Variants in DLGAP2 observed in about 807,000 individuals in gnomAD.
DLGAP2 encodes the protein disks large-associated protein 2.
Under a neutral mutation model 100.3 loss-of-function variants are expected in DLGAP2, and 26 were observed. The observed-to-expected ratio is 0.26, with a 90% CI of 0.19 to 0.36. DLGAP2 has a LOEUF of 0.36. DLGAP2 is among the 10% of genes least tolerant of loss of function. The pLI, the probability that DLGAP2 is intolerant of heterozygous loss-of-function variation, is 1.00. For synonymous variants in DLGAP2, 886 were observed against 630.1 expected, an observed-to-expected ratio of 1.41 and a Z score of -6.08; for missense variants, 1,858 against 1,453.2, an observed-to-expected ratio of 1.28 and a Z score of -4.53.
intron 2 of DLGAP2, among the ~76,000 whole-genome samples, chr8:1,059,905 C>T (rs772686632): frequency 1.3e-5 from 2 of 152,052 alleles, no homozygotes; most frequent in Admixed American, 6.5e-5. Context: ...TGTGTGGCCC[C>T]GGGGGCATGG....
intron 3 of DLGAP2, among the ~76,000 whole-genome samples, chr8:1,408,092 C>T (rs1584867443): frequency 6.6e-6 from 1 of 152,254 alleles, no homozygotes; most frequent in Admixed American, 6.5e-5. Context: ...GAATCGTCTC[C>T]TGAGAACAGC....
chr8:1,535,583 G>C (rs570498565), intron 4 of DLGAP2, among the ~76,000 whole-genome samples: 2 of 152,362 alleles, frequency 1.3e-5, no homozygotes, highest in East Asian at 3.9e-4. Flanking sequence ...TTGTTGGTAA[G>C]ATGTGTGATG....
intron 4 of DLGAP2, among the ~76,000 whole-genome samples, chr8:1,535,714 G>C (rs986762516): frequency 6.6e-6 from 1 of 152,246 alleles, no homozygotes; most frequent in African/African-American, 2.4e-5. Flanking sequence ...CAACGGCCCT[G>C]GTGTTGCAAG....
chr8:1,610,783 A>G (rs1182983720), intron 6 of DLGAP2, among the ~76,000 whole-genome samples: 4 of 146,184 alleles, frequency 2.7e-5, no homozygotes, highest in African/African-American at 1.1e-4. Flanking sequence ...AAACTAGAAA[A>G]TCTAGAAGAA....
Position 1,528,961 on chromosome 8 carries a change from T to C in DLGAP2, c.173-19665T>C, listed in dbSNP as rs138975067. On this transcript the variant is annotated intron_variant, in intron 4 of 14. Transcript: ENST00000637795. ...TTCCTCACTTATTGATTCCTAGCAT[T>C]TCCTAAAATGTTCACGTGATATTTA... Among the ~76,000 whole-genome samples the C allele has an allele frequency of 1.0e-3, 155 of 152,358 alleles. 1 individual carries two copies. The Middle Eastern group carries it at 0.01, about 10-fold the overall frequency.
chr8:1,435,359 G>A (rs571069112), intron 3 of DLGAP2, among the ~76,000 whole-genome samples: 14 of 152,260 alleles, frequency 9.2e-5, no homozygotes, highest in African/African-American at 2.9e-4. Context: ...CACCGCACAC[G>A]GGTGTTTCAG....
At chr8:749,901 G>A (rs922631105) in intron 1 of DLGAP2, among the ~76,000 whole-genome samples, 1 of 152,168 alleles carries the variant, frequency 6.6e-6, no homozygotes, top group Non-Finnish European at 1.5e-5. Context: ...AGGCATCCTG[G>A]CTTGTGGCCT....
chr8:1,659,643 T>C (rs959576719), intron 8 of DLGAP2, among the ~76,000 whole-genome samples: 2 of 152,228 alleles, frequency 1.3e-5, no homozygotes, highest in African/African-American at 4.8e-5. Flanking sequence ...AAGTCTGTTT[T>C]ATCAGAGAGT....
At chr8:1,110,074 C>T (rs1332895189) in intron 2 of DLGAP2, among the ~76,000 whole-genome samples, 1 of 129,364 alleles carries the variant, frequency 7.7e-6, no homozygotes, top group Non-Finnish European at 1.6e-5. Flanking sequence ...GTGCACAGGT[C>T]TGTGAGGTGT....
At chr8:1,654,890 T>C (rs1798248599) in intron 8 of DLGAP2, among the ~76,000 whole-genome samples, 1 of 152,210 alleles carries the variant, frequency 6.6e-6, no homozygotes, top group Non-Finnish European at 1.5e-5. Flanking sequence ...CTTAGAAACA[T>C]GTGACTCTTC....
At chr8:1,472,040 C>T (rs1485710879) in intron 3 of DLGAP2, among the ~76,000 whole-genome samples, 2 of 152,262 alleles carry the variant, frequency 1.3e-5, no homozygotes, top group Admixed American at 1.3e-4. Flanking sequence ...GCAGTGAGCA[C>T]CAACAAGCCC....
At chr8:1,421,076 C>G (rs374036469) in intron 3 of DLGAP2, among the ~76,000 whole-genome samples, 147 of 152,316 alleles carry the variant, frequency 9.7e-4, no homozygotes, top group Middle Eastern at 3.4e-3. Flanking sequence ...AAATTTCAAT[C>G]TCTCCAACAA....
chr8:1,656,489 G>C (rs1197955939), intron 8 of DLGAP2, among the ~76,000 whole-genome samples: 1 of 152,118 alleles, frequency 6.6e-6, no homozygotes, highest in East Asian at 1.9e-4. Context: ...CTGCGTATTT[G>C]TCAATTGTGC....
chr8:1,368,325 G>A (rs1466394814), intron 3 of DLGAP2, among the ~76,000 whole-genome samples: 2 of 151,720 alleles, frequency 1.3e-5, no homozygotes, highest in African/African-American at 2.4e-5. Context: ...CTGTGTGTGT[G>A]CATGCATGTG....
chr8:1,487,866 G>A (rs2108126), intron 3 of DLGAP2, among the ~76,000 whole-genome samples: 80,157 of 151,972 alleles, frequency 0.53, 22,821 homozygotes, highest in Admixed American at 0.66. Flanking sequence ...CCCTTTACCC[G>A]TAACTGGGAG....
chr8:1,496,514 C>T (rs1242393528), intron 3 of DLGAP2, among the ~76,000 whole-genome samples: 3 of 152,154 alleles, frequency 2.0e-5, no homozygotes, highest in Admixed American at 6.5e-5. Flanking sequence ...CCCGAGTCTC[C>T]CTTCCAGGAA....
intron 3 of DLGAP2, among the ~76,000 whole-genome samples, chr8:1,406,593 C>T (rs549530798): frequency 1.1e-4 from 3 of 27,370 alleles, no homozygotes; most frequent in African/African-American, 2.6e-4. Context: ...GCCACCTCCT[C>T]ATCCTCCAGA....
chr8:1,063,107 T>C (rs1459464349), intron 2 of DLGAP2, among the ~76,000 whole-genome samples: 1 of 152,156 alleles, frequency 6.6e-6, no homozygotes, highest in Non-Finnish European at 1.5e-5. Context: ...CAGTGAAAGA[T>C]TGGGTGCCTC....
chr8:1,080,347 C>G (rs1201207157), intron 2 of DLGAP2, among the ~76,000 whole-genome samples: 1 of 152,220 alleles, frequency 6.6e-6, no homozygotes, highest in East Asian at 1.9e-4. Context: ...CTTGTTAATG[C>G]TCCTGCAGCT....
Sources: allele counts gnomAD v4.1 joint callset (sites outside exome capture counted in the v4.1 genomes callset), GRCh38; gene constraint gnomAD v4.1.1; transcripts MANE v1.5; gene names NCBI Gene and HGNC (gene_info 2026-07-23, HGNC 2026-07-21).